SGCZ: variants seen among roughly 807,000 people sequenced by gnomAD.
SGCZ encodes zeta-sarcoglycan.
A neutral mutation model predicts 41.3 loss-of-function variants in SGCZ; 40 were observed. That is an observed-to-expected ratio of 0.97 (90% CI 0.75 to 1.26). The LOEUF is 1.26. SGCZ is among the 50% of genes most tolerant of loss of function. The probability of loss-of-function intolerance (pLI) is 0.00; values close to 1 mark genes in which losing one functional copy is unlikely to be tolerated. For missense variants in SGCZ, 552 were observed against 369.8 expected (o/e 1.49, Z -4.04); for synonymous variants, 206 against 137.5 (o/e 1.50, Z -3.49).
chr8:14,768,080 G>A (rs1302574381), intron 1 of SGCZ, among the ~76,000 whole-genome samples: 3 of 152,110 alleles, frequency 2.0e-5, no homozygotes, highest in African/African-American at 7.2e-5. Context: ...AATGCATAGT[G>A]CACTCTATTA....
At chr8:14,745,237 CAT>C (rs1218495425) in intron 1 of SGCZ, among the ~76,000 whole-genome samples, 7 of 151,936 alleles carry the variant, frequency 4.6e-5, no homozygotes, top group Admixed American at 1.3e-4. Context: ...TCAGAAAACA[CAT>C]GTGTTAGTTG....
At chr8:14,952,058 A>C (rs1800657572) in intron 1 of SGCZ, among the ~76,000 whole-genome samples, 1 of 152,054 alleles carries the variant, frequency 6.6e-6, no homozygotes, top group Admixed American at 6.6e-5. Flanking sequence ...GAAGTAAAAT[A>C]TTTTTTTCTC....
chr8:14,349,300 G>C (rs1036492091), intron 2 of SGCZ, among the ~76,000 whole-genome samples: 1 of 152,070 alleles, frequency 6.6e-6, no homozygotes, highest in Non-Finnish European at 1.5e-5. Flanking sequence ...TATAAACTAT[G>C]TGATAAAATG....
At chr8:15,030,383 T>TA (rs1049613655) in intron 1 of SGCZ, among the ~76,000 whole-genome samples, 29 of 151,848 alleles carry the variant, frequency 1.9e-4, no homozygotes, top group Middle Eastern at 3.4e-3. Context: ...CTTAAAGCAG[T>TA]AAAAAAAAGG....
intron 1 of SGCZ, among the ~76,000 whole-genome samples, chr8:14,613,090 C>G (rs530544858): frequency 3.3e-5 from 5 of 152,168 alleles, no homozygotes; most frequent in Admixed American, 3.3e-4. Flanking sequence ...CTGTGCCCTG[C>G]ACCCCACATG....
rs184484075 is a variant in SGCZ, at chr8:14,869,317, T to C, written c.40-314391A>G. The stretch of plus-strand genomic sequence containing the variant: ...ATCAATAAACGTAATCCATCACATA[T>C]ACAGAATCAATCACAAAAAACACAT... On this transcript the variant is annotated intron_variant, in intron 1 of 7. Transcript: ENST00000382080. 8.5e-5 allele frequency among the ~76,000 whole-genome samples: 13 copies of C among 152,148 alleles called. No individual in the cohort carries two copies. In the East Asian group the frequency reaches 2.3e-3, roughly 27 times the overall value.
intron 1 of SGCZ, among the ~76,000 whole-genome samples, chr8:15,175,302 C>G (rs895864033): frequency 6.6e-6 from 1 of 151,652 alleles, no homozygotes; most frequent in African/African-American, 2.4e-5. Context: ...CAATGACAGA[C>G]TGGATAAAGA....
intron 1 of SGCZ, among the ~76,000 whole-genome samples, chr8:14,950,325 C>G (rs1178648308): frequency 6.6e-6 from 1 of 151,824 alleles, no homozygotes; most frequent in African/African-American, 2.4e-5. Context: ...ATCTCCCTCC[C>G]TCTTTGTCCC....
intron 1 of SGCZ, among the ~76,000 whole-genome samples, chr8:15,085,658 T>C (rs551824052): frequency 5.1e-4 from 77 of 152,306 alleles, no homozygotes; most frequent in African/African-American, 1.8e-3. Context: ...CAAGTTGAAC[T>C]ATAATGTACA....
chr8:14,447,231 T>C (rs1339136259), intron 2 of SGCZ, among the ~76,000 whole-genome samples: 2 of 152,206 alleles, frequency 1.3e-5, no homozygotes, highest in Non-Finnish European at 1.5e-5. Flanking sequence ...GTTCACACAT[T>C]TATCAAGTAA....
rs991003623 is a variant in SGCZ, at chr8:15,092,937, T to C, written c.39+144648A>G. Among the ~76,000 whole-genome samples, 5 of 152,214 alleles carry C rather than the reference T, an allele frequency of 3.3e-5. No individual in the cohort carries two copies. The South Asian group carries it at 1.0e-3, about 31-fold the overall frequency. On this transcript the variant is annotated intron_variant, in intron 1 of 7. Coordinates refer to ENST00000382080, the MANE Select transcript of SGCZ (RefSeq NM_139167.4). Reference sequence around the variant, plus strand: ...TAGGCATCCAAATAACTCTTGGATATGCAAAATGTCTTTTGGAAATTGTTT... The same window carrying C: ...TAGGCATCCAAATAACTCTTGGATACGCAAAATGTCTTTTGGAAATTGTTT...
chr8:14,122,792 A>G (rs1294947349), intron 5 of SGCZ, among the ~76,000 whole-genome samples: 3 of 151,322 alleles, frequency 2.0e-5, no homozygotes, highest in South Asian at 4.2e-4. Context: ...AGAAACTCAA[A>G]TATACTGTTC....
chr8:14,647,334 A>T (rs1388321834), intron 1 of SGCZ, among the ~76,000 whole-genome samples: 1 of 152,040 alleles, frequency 6.6e-6, no homozygotes, highest in African/African-American at 2.4e-5. Flanking sequence ...AATATTGAGA[A>T]GAAAATAGGC....
At chr8:14,499,011 T>A (rs1802072053) in intron 2 of SGCZ, among the ~76,000 whole-genome samples, 1 of 151,988 alleles carries the variant, frequency 6.6e-6, no homozygotes. Flanking sequence ...TTAAATTTGG[T>A]GATTATTTCC....
At chr8:14,341,030 C>T (rs1802687374) in intron 2 of SGCZ, among the ~76,000 whole-genome samples, 1 of 152,168 alleles carries the variant, frequency 6.6e-6, no homozygotes, top group Admixed American at 6.5e-5. Flanking sequence ...TGTAATCATA[C>T]AACAATTGTC....
At chr8:14,595,380 A>G (rs1450094659) in intron 1 of SGCZ, among the ~76,000 whole-genome samples, 1 of 149,786 alleles carries the variant, frequency 6.7e-6, no homozygotes, top group Non-Finnish European at 1.5e-5. Flanking sequence ...TCACATATAT[A>G]TAAATGCCTA....
intron 1 of SGCZ, among the ~76,000 whole-genome samples, chr8:14,959,878 T>A (rs923429281): frequency 1.3e-5 from 2 of 152,172 alleles, no homozygotes; most frequent in African/African-American, 4.8e-5. Context: ...GAGCAGGTAA[T>A]TAGCTTTTCC....
At chr8:14,416,213 C>T (rs1209883346) in intron 2 of SGCZ, among the ~76,000 whole-genome samples, 2 of 151,834 alleles carry the variant, frequency 1.3e-5, no homozygotes, top group African/African-American at 4.8e-5. Context: ...CACATTCTTG[C>T]CAGAAGGCCT....
intron 1 of SGCZ, among the ~76,000 whole-genome samples, chr8:14,975,789 T>TTATATATA (rs371834276): frequency 1.9e-4 from 24 of 125,436 alleles, no homozygotes; most frequent in African/African-American, 3.1e-4. Flanking sequence ...TTTTCCACTT[T>TTATATATA]TATATATATA....
Sources: gnomAD v4.1 joint callset for allele counts (sites outside exome capture counted in the v4.1 genomes callset) on GRCh38, gnomAD v4.1.1 for gene constraint, MANE v1.5 for transcripts, NCBI Gene and HGNC (gene_info 2026-07-23, HGNC 2026-07-21) for gene names.